Variants in SF3A3 observed in about 807,000 individuals in gnomAD.
The protein encoded by SF3A3 is splicing factor 3a subunit 3.
In SF3A3, 9 loss-of-function variants were observed where a neutral mutation model predicts 85.8. The observed-to-expected ratio is 0.10, with a 90% confidence interval of 0.06 to 0.18. SF3A3 has a LOEUF of 0.18. Ranked by LOEUF, SF3A3 falls within the 10% of genes least tolerant of loss-of-function variation. The probability of loss-of-function intolerance (pLI) is 1.00; values close to 1 mark genes in which losing one functional copy is unlikely to be tolerated. For missense variants in SF3A3, 306 were observed against 593.3 expected (o/e 0.52, Z 5.03); for synonymous variants, 195 against 204.4 (o/e 0.95, Z 0.39).
At chr1:37,962,558 G>A (rs148071985) in intron 15 of SF3A3, among the ~76,000 whole-genome samples, 2,282 of 138,114 alleles carry the variant, frequency 0.017, 53 homozygotes, top group African/African-American at 0.059. Flanking sequence ...GGCCGAGATC[G>A]TGCTATTGCA....
In SF3A3 at chr1:37,958,042, G is replaced by C; in HGVS notation, c.*144C>G. 4.7e-6 allele frequency: 3 copies of C among 634,834 alleles called. No homozygotes were observed. The highest frequency in any genetic ancestry group is 8.6e-6 in the Non-Finnish European group (3 of 350,604). The allele number at this position is 634,834 out of a possible 1,614,324, so 39.3% of individuals were successfully genotyped here. A position where few individuals can be genotyped will look rare whatever the true frequency, so the allele number is the denominator to read the frequency against. On this transcript the variant is annotated 3_prime_UTR_variant, in exon 17 of 17. Coordinates refer to ENST00000373019, the MANE Select transcript of SF3A3 (RefSeq NM_006802.4). ...CACATCTCAACCCTGCAATCTGCCA[G>C]CATGCCTTGTTTCTACAAGATGCAT...
At chr1:37,975,058 T>C (rs1646370329) in intron 12 of SF3A3, among the ~76,000 whole-genome samples, 1 of 152,094 alleles carries the variant, frequency 6.6e-6, no homozygotes, top group Non-Finnish European at 1.5e-5. Context: ...TTATTCACTA[T>C]TGTATCAAAA....
chr1:37,960,369 G>C, intron 15 of SF3A3, 194 bp from the exon 16 acceptor site: 1 of 515,918 alleles, frequency 1.9e-6, no homozygotes, highest in Admixed American at 3.1e-5. Context: ...AATTCATCAT[G>C]ATCTTGCTTT....
chr1:37,970,856 A>C (rs1192856587), intron 12 of SF3A3, among the ~76,000 whole-genome samples: 2 of 152,234 alleles, frequency 1.3e-5, no homozygotes, highest in Non-Finnish European at 2.9e-5. Flanking sequence ...CATTTAAAGC[A>C]GCGTGTAAAG....
intron 6 of SF3A3, among the ~76,000 whole-genome samples, chr1:37,983,446 A>G (rs933457591): frequency 5.3e-5 from 8 of 150,888 alleles, no homozygotes; most frequent in Non-Finnish European, 7.4e-5. Context: ...TTAGCTGGGC[A>G]TGGTGGCACA....
chr1:37,988,417 AG>A (rs1324347381), intron 2 of SF3A3, among the ~76,000 whole-genome samples: 86 of 152,332 alleles, frequency 5.6e-4, no homozygotes, highest in African/African-American at 2.0e-3. Flanking sequence ...TGGAATCTGG[AG>A]CACACAGTTC....
At chr1:37,960,346 C>T (rs1346801272) in intron 15 of SF3A3, 171 bp from the exon 16 acceptor site, 2 of 537,248 alleles carry the variant, frequency 3.7e-6, no homozygotes, top group East Asian at 5.7e-5. Context: ...AGACAAAACC[C>T]TTTCCACTGC....
rs755752220 is a variant in SF3A3 at position 37,969,751 on chromosome 1, A to C, written c.1006-16T>G. On this transcript the variant is annotated splice_polypyrimidine_tract_variant and intron_variant, in intron 12 of 16. Transcript: ENST00000373019. ...GTCGCTGTTCCTAAAGCAGGTCCAT[A>C]AATGAAAAGTCAGAAAAAAGTAGTG... 6.2e-7 allele frequency: 1 copy of C among 1,608,340 alleles called. No individual in the cohort carries two copies. The highest frequency in any genetic ancestry group is 1.1e-5 in the South Asian group (1 of 90,574).
At chr1:37,989,477 A>G (rs1646479632) in intron 2 of SF3A3, 71 bp downstream of exon 2, 10 of 1,533,378 alleles carry the variant, frequency 6.5e-6, no homozygotes, top group African/African-American at 1.4e-5. Flanking sequence ...ATGCTGAGAC[A>G]CCGCACTTCA....
At chr1:37,964,764 T>C (rs1557747661) in intron 15 of SF3A3, among the ~76,000 whole-genome samples, 1 of 152,222 alleles carries the variant, frequency 6.6e-6, no homozygotes, top group Non-Finnish European at 1.5e-5. Flanking sequence ...TTCCCTGATA[T>C]GCACTCCACT....
At chr1:37,982,557 A>C (rs1279541723) in intron 6 of SF3A3, among the ~76,000 whole-genome samples, 6 of 151,990 alleles carry the variant, frequency 3.9e-5, no homozygotes, top group Non-Finnish European at 8.8e-5. Flanking sequence ...TTTTTAGTAG[A>C]GACAGGGTTT....
chr1:37,983,601 A>AAAAAAAAAAAAAAAAG (rs1646435673), intron 6 of SF3A3, among the ~76,000 whole-genome samples: 1 of 148,796 alleles, frequency 6.7e-6, no homozygotes, highest in Non-Finnish European at 1.5e-5. Context: ...AAAAAAAAAA[A>AAAAAAAAAAAAAAAAG]AAAAAAAGAT....
chr1:37,989,314 A>AG (rs1646478079), intron 2 of SF3A3, among the ~76,000 whole-genome samples: 1 of 151,948 alleles, frequency 6.6e-6, no homozygotes, highest in Non-Finnish European at 1.5e-5. Flanking sequence ...GAAGAAGAAA[A>AG]AAAAAAAGGG....
chr1:37,970,572 T>G (rs547452071), intron 12 of SF3A3, among the ~76,000 whole-genome samples: 260 of 148,802 alleles, frequency 1.7e-3, no homozygotes, highest in Middle Eastern at 0.017. Context: ...CAGCACCACA[T>G]CACACTTATT....
intron 12 of SF3A3, among the ~76,000 whole-genome samples, 162 bp from the exon 13 acceptor site, chr1:37,969,897 A>G (rs1646326841): frequency 6.6e-6 from 1 of 152,248 alleles, no homozygotes; most frequent in Non-Finnish European, 1.5e-5. Context: ...ACTCCTTATC[A>G]GCAGGCTCTA....
chr1:37,989,645 A>T, intron 1 of SF3A3, 50 bp from the exon 2 acceptor site: 1 of 1,602,828 alleles, frequency 6.2e-7, no homozygotes, highest in Non-Finnish European at 8.5e-7. Flanking sequence ...GTTCTGGAGT[A>T]GAAAAGGCCG....
chr1:37,987,519 CCTTTAGTATG>C (rs1210625897), intron 4 of SF3A3, 44 bp downstream of exon 4: 1 of 1,298,104 alleles, frequency 7.7e-7, no homozygotes, highest in Non-Finnish European at 1.1e-6. Context: ...TTATACCTTT[CCTTTAGTATG>C]CTTTAAGGAT....
chr1:37,975,531 G>A (rs1005935845), intron 12 of SF3A3, among the ~76,000 whole-genome samples: 8 of 151,832 alleles, frequency 5.3e-5, no homozygotes, highest in African/African-American at 1.9e-4. Context: ...AAAAAAAGAG[G>A]GAGAAAGTGG....
At chr1:37,962,807 C>T (rs760946909) in intron 15 of SF3A3, among the ~76,000 whole-genome samples, 4 of 147,164 alleles carry the variant, frequency 2.7e-5, no homozygotes, top group Admixed American at 6.8e-5. Context: ...TCACTGCGGC[C>T]GGGTGCGGTG....
Sources: allele counts gnomAD v4.1 joint callset (sites outside exome capture counted in the v4.1 genomes callset), GRCh38; gene constraint gnomAD v4.1.1; transcripts MANE v1.5; gene names NCBI Gene and HGNC (gene_info 2026-07-23, HGNC 2026-07-21).